RSPO2: variants seen among roughly 807,000 people sequenced by gnomAD.
The protein encoded by RSPO2 is R-spondin-2.
A neutral mutation model predicts 30.9 loss-of-function variants in RSPO2; 14 were observed. The observed-to-expected ratio is 0.45, with a 90% CI of 0.30 to 0.71. The LOEUF (loss-of-function observed/expected upper bound fraction) is 0.71, where lower values mean the gene tolerates loss of function less well. Among genes scored for constraint, RSPO2 ranks in the 30% least tolerant of loss-of-function variants. The pLI, the probability that RSPO2 is intolerant of heterozygous loss-of-function variation, is 0.08. For synonymous variants in RSPO2, 107 were observed against 96.4 expected, an observed-to-expected ratio of 1.11 and a Z score of -0.64; for missense variants, 264 against 301.9, an observed-to-expected ratio of 0.87 and a Z score of 0.93.
chr8:108,072,782 T>G (rs1245135072), intron 2 of RSPO2, among the ~76,000 whole-genome samples: 1 of 152,068 alleles, frequency 6.6e-6, no homozygotes, highest in East Asian at 1.9e-4. Flanking sequence ...TATTAGACAA[T>G]TTTTACAATT....
intron 5 of RSPO2, among the ~76,000 whole-genome samples, chr8:107,924,715 C>A (rs148603119): frequency 5.3e-5 from 8 of 151,868 alleles, no homozygotes; most frequent in African/African-American, 1.9e-4. Flanking sequence ...AAACCTCATA[C>A]GCCAGAGCAG....
intron 3 of RSPO2, among the ~76,000 whole-genome samples, chr8:107,970,397 A>G (rs1260024626): frequency 6.6e-5 from 10 of 152,200 alleles, no homozygotes; most frequent in Admixed American, 6.5e-4. Flanking sequence ...CTTGGGTCAT[A>G]GTTTGCTGAC....
At chr8:107,999,880 C>T (rs992170688) in intron 2 of RSPO2, among the ~76,000 whole-genome samples, 12 of 152,088 alleles carry the variant, frequency 7.9e-5, no homozygotes, top group Admixed American at 4.6e-4. Flanking sequence ...GTGCCAGCAC[C>T]ATTCCAGTTG....
At chr8:107,929,298 C>T (rs949622693) in intron 5 of RSPO2, among the ~76,000 whole-genome samples, 1 of 152,042 alleles carries the variant, frequency 6.6e-6, no homozygotes, top group Admixed American at 6.6e-5. Flanking sequence ...AGGAAAACAC[C>T]CAAAGGAAAA....
intron 5 of RSPO2, among the ~76,000 whole-genome samples, chr8:107,940,063 A>G (rs1319069422): frequency 6.6e-6 from 1 of 152,036 alleles, no homozygotes; most frequent in South Asian, 2.1e-4. Flanking sequence ...CTATTATACT[A>G]TCATCATCAA....
At chr8:108,078,739 G>T (rs925877925) in intron 2 of RSPO2, among the ~76,000 whole-genome samples, 1 of 152,146 alleles carries the variant, frequency 6.6e-6, no homozygotes, top group Non-Finnish European at 1.5e-5. Flanking sequence ...AGAAGCTGAG[G>T]ATTCAGTACG....
At chr8:108,010,061 T>TAA (rs371959510) in intron 2 of RSPO2, among the ~76,000 whole-genome samples, 3 of 143,802 alleles carry the variant, frequency 2.1e-5, no homozygotes, top group African/African-American at 7.8e-5. Flanking sequence ...AAAATAAAAA[T>TAA]AAAAAAAAAA....
chr8:108,002,626 T>C (rs35369482), intron 2 of RSPO2, among the ~76,000 whole-genome samples: 14,007 of 152,246 alleles, frequency 0.092, 906 homozygotes, highest in African/African-American at 0.18. Flanking sequence ...CACTCCTGCT[T>C]ACATCACTGT....
At position 108,043,557 on chromosome 8, in the gene RSPO2, C is replaced by T. The variant is rs534379265; in HGVS notation, c.94+38988G>A. On this transcript the variant is annotated intron_variant, in intron 2 of 5. Transcript: ENST00000276659. ...TTGCTACAGAATGGTTAATTTGGTT[C>T]TATTTTTTTACTCATATACTTTGGG... Among the ~76,000 whole-genome samples the T allele has an allele frequency of 1.6e-4, 24 of 150,904 alleles. No homozygotes were observed. The South Asian group carries it at 5.0e-3, about 32-fold the overall frequency.
chr8:107,983,901 A>G (rs374333262), intron 3 of RSPO2: 4 of 1,351,932 alleles, frequency 3.0e-6, no homozygotes, highest in Non-Finnish European at 4.2e-6. Flanking sequence ...CCGCCCTTGG[A>G]TTTTCCATCT....
chr8:107,910,725 G>A (rs4735022), intron 5 of RSPO2, among the ~76,000 whole-genome samples: 33,201 of 151,958 alleles, frequency 0.22, 4,106 homozygotes, highest in Middle Eastern at 0.37. Context: ...TCCTATTGCA[G>A]TTTTGTTTGG....
At chr8:107,901,770 A>G (rs1811477938) in intron 5 of RSPO2, among the ~76,000 whole-genome samples, 2 of 152,252 alleles carry the variant, frequency 1.3e-5, no homozygotes, top group African/African-American at 4.8e-5. Context: ...ATGGCTTCTT[A>G]TCCAAATCCC....
intron 5 of RSPO2, among the ~76,000 whole-genome samples, chr8:107,943,811 A>T (rs905554237): frequency 1.3e-5 from 2 of 152,134 alleles, no homozygotes; most frequent in African/African-American, 4.8e-5. Context: ...TAGCAATATC[A>T]CTCTCACCAT....
chr8:107,949,548 C>G (rs1337929641), intron 5 of RSPO2, among the ~76,000 whole-genome samples: 1 of 152,036 alleles, frequency 6.6e-6, no homozygotes, highest in Non-Finnish European at 1.5e-5. Flanking sequence ...GTGATTACAG[C>G]AAAAAACAAC....
At chr8:107,965,598 T>A (rs1265536952) in intron 3 of RSPO2, among the ~76,000 whole-genome samples, 1 of 151,640 alleles carries the variant, frequency 6.6e-6, no homozygotes, top group Non-Finnish European at 1.5e-5. Context: ...CTTGGGTACA[T>A]TAGAGACAGA....
At chr8:108,034,628 A>T (rs1204932900) in intron 2 of RSPO2, among the ~76,000 whole-genome samples, 1 of 152,200 alleles carries the variant, frequency 6.6e-6, no homozygotes, top group African/African-American at 2.4e-5. Context: ...TTTCATAATA[A>T]AATTCTCAAT....
At chr8:108,081,149 A>C (rs1051619118) in intron 2 of RSPO2, among the ~76,000 whole-genome samples, 37 of 152,304 alleles carry the variant, frequency 2.4e-4, no homozygotes, top group African/African-American at 7.7e-4. Context: ...TTATTCTTAC[A>C]AGCCGCAGAT....
intron 2 of RSPO2, among the ~76,000 whole-genome samples, chr8:108,062,554 C>CA (rs1220162015): frequency 6.6e-6 from 1 of 151,616 alleles, no homozygotes; most frequent in African/African-American, 2.4e-5. Context: ...GCCTACCAAC[C>CA]AAAAAAAGTC....
At position 107,900,786 on chromosome 8, in the gene RSPO2, G is replaced by A; in HGVS notation, c.*289C>T. The A allele has an allele frequency of 3.4e-6, 1 of 296,562 alleles. No homozygotes were observed. Among genetic ancestry groups the A allele is most frequent in the East Asian group, 5.9e-5 (1 of 16,968 alleles). The allele number at this position is 296,562 out of a possible 1,614,324, so 18.4% of individuals were successfully genotyped here. A position where few individuals can be genotyped will look rare whatever the true frequency, so the allele number is the denominator to read the frequency against. ...CAAGTCCGTCCTCCAGCGGTGTTCT[G>A]CAGCCTCACACCTCTAGCATGTCCA... On this transcript the variant is annotated 3_prime_UTR_variant, in exon 6 of 6. Coordinates refer to ENST00000276659, the MANE Select transcript of RSPO2 (RefSeq NM_178565.5).
Sources: allele counts gnomAD v4.1 joint callset (sites outside exome capture counted in the v4.1 genomes callset), GRCh38; gene constraint gnomAD v4.1.1; transcripts MANE v1.5; gene names NCBI Gene and HGNC (gene_info 2026-07-23, HGNC 2026-07-21).